HUNK: variants seen among roughly 807,000 people sequenced by gnomAD.
HUNK encodes the protein hormonally up-regulated neu tumor-associated kinase.
A neutral mutation model predicts 61.0 loss-of-function variants in HUNK; 21 were observed. The observed-to-expected ratio is 0.34, with a 90% CI of 0.24 to 0.50. The LOEUF (loss-of-function observed/expected upper bound fraction) is 0.50. HUNK is among the 20% of genes least tolerant of loss of function. HUNK has a pLI of 0.98. For missense variants in HUNK, 772 were observed against 945.7 expected (o/e 0.82, Z 2.41); for synonymous variants, 371 against 386.1 (o/e 0.96, Z 0.46).
chr21:31,917,340 G>A (rs926100279), intron 1 of HUNK, among the ~76,000 whole-genome samples: 1 of 152,074 alleles, frequency 6.6e-6, no homozygotes, highest in African/African-American at 2.4e-5. Context: ...CTACTGGCAC[G>A]AGCCACCACG....
intron 1 of HUNK, among the ~76,000 whole-genome samples, chr21:31,921,141 C>A (rs186980174): frequency 9.2e-6 from 1 of 108,878 alleles, no homozygotes; most frequent in Admixed American, 1.5e-4. Flanking sequence ...GGCCACAGAG[C>A]GAGATTCCAT....
intron 1 of HUNK, among the ~76,000 whole-genome samples, chr21:31,920,274 C>T (rs1291243727): frequency 6.6e-6 from 1 of 152,248 alleles, no homozygotes; most frequent in African/African-American, 2.4e-5. Flanking sequence ...CAGAATTCTT[C>T]ACTTAATAAC....
chr21:31,968,134 C>A, intron 5 of HUNK, 116 bp from the exon 6 acceptor site: 1 of 1,270,732 alleles, frequency 7.9e-7, no homozygotes, highest in Non-Finnish European at 1.1e-6. Context: ...AAGAGATCAC[C>A]CCAGCAGTGA....
chr21:31,944,304 A>G (rs1463179968), intron 3 of HUNK, among the ~76,000 whole-genome samples: 1 of 152,096 alleles, frequency 6.6e-6, no homozygotes, highest in African/African-American at 2.4e-5. Flanking sequence ...GTTTTGAACT[A>G]TTGGCCTCAG....
intron 6 of HUNK, among the ~76,000 whole-genome samples, chr21:31,969,609 C>T (rs1366226841): frequency 6.6e-6 from 1 of 151,710 alleles, no homozygotes; most frequent in Non-Finnish European, 1.5e-5. Flanking sequence ...CTCTGTCACC[C>T]AGGCTAGAGT....
chr21:31,901,240 C>T (rs1453492416), intron 1 of HUNK, among the ~76,000 whole-genome samples: 3 of 152,122 alleles, frequency 2.0e-5, no homozygotes, highest in Non-Finnish European at 4.4e-5. Flanking sequence ...ATAACAGGTT[C>T]TCAGCTTGAG....
chr21:31,897,735 G>A (rs933149629), intron 1 of HUNK, among the ~76,000 whole-genome samples: 3 of 152,210 alleles, frequency 2.0e-5, no homozygotes, highest in African/African-American at 7.2e-5. Flanking sequence ...GAAGCAAAGA[G>A]CAAGAGACAG....
At chr21:31,945,142 T>C (rs2052793495) in intron 3 of HUNK, among the ~76,000 whole-genome samples, 1 of 152,144 alleles carries the variant, frequency 6.6e-6, no homozygotes, top group South Asian at 2.1e-4. Context: ...AATATTTACA[T>C]TGAAGTTCAA....
intron 1 of HUNK, among the ~76,000 whole-genome samples, chr21:31,912,924 T>C (rs1012539996): frequency 6.6e-6 from 1 of 152,228 alleles, no homozygotes; most frequent in Non-Finnish European, 1.5e-5. Flanking sequence ...CTGGTCTGCC[T>C]ACATTGTAAT....
At chr21:31,985,392 C>G (rs112554725) in intron 8 of HUNK, among the ~76,000 whole-genome samples, 1 of 152,154 alleles carries the variant, frequency 6.6e-6, no homozygotes, top group Non-Finnish European at 1.5e-5. Context: ...GTTACTGGGG[C>G]CCACACTGGG....
intron 1 of HUNK, among the ~76,000 whole-genome samples, chr21:31,875,761 A>G (rs1036300527): frequency 1.3e-5 from 2 of 152,210 alleles, no homozygotes; most frequent in Admixed American, 6.5e-5. Context: ...CTCTCTAAAC[A>G]TAACGGAAAG....
In HUNK at chr21:31,968,403, G is replaced by A; in HGVS notation, c.1010+18G>A. On this transcript the variant is annotated intron_variant, in intron 6 of 10. Transcript: ENST00000270112. Reference sequence around the variant, plus strand: ...CCCAACAGGTAATTTCGTGCACCCAGAGGAACTCCTCGGGAGAGACGGGGC... The same window carrying A: ...CCCAACAGGTAATTTCGTGCACCCAAAGGAACTCCTCGGGAGAGACGGGGC... 1 of 1,614,032 alleles carries A rather than the reference G, an allele frequency of 6.2e-7. No homozygotes were observed. The highest frequency in any genetic ancestry group is 8.5e-7 in the Non-Finnish European group (1 of 1,179,964).
chr21:31,928,607 T>G (rs1034132368), intron 2 of HUNK, among the ~76,000 whole-genome samples: 1 of 152,144 alleles, frequency 6.6e-6, no homozygotes, highest in Non-Finnish European at 1.5e-5. Flanking sequence ...TTAGGAAGAT[T>G]TTTTTCACTT....
chr21:31,958,977 C>T lies in HUNK; in HGVS notation c.874+7C>T, dbSNP rs775933798. On this transcript the variant is annotated splice_region_variant and intron_variant, in intron 5 of 10. Transcript: ENST00000270112. ...CCCACTCAGCTCTCCACAGGTAATG[C>T]ACCAGCTGCTCTAGATCACGGTTCA... The T allele has an allele frequency of 1.3e-6, 2 of 1,593,334 alleles. No homozygotes were observed. Among genetic ancestry groups the T allele is most frequent in the African/African-American group, 1.4e-5 (1 of 74,024 alleles).
chr21:31,922,731 A>C (rs2123815120), intron 1 of HUNK, among the ~76,000 whole-genome samples: 1 of 152,340 alleles, frequency 6.6e-6, no homozygotes, highest in African/African-American at 2.4e-5. Flanking sequence ...AACTATGTCC[A>C]CAAAATAATA....
intron 5 of HUNK, 94 bp from the exon 6 acceptor site, chr21:31,968,156 C>T (rs748304341): frequency 2.0e-6 from 3 of 1,473,246 alleles, no homozygotes; most frequent in Admixed American, 1.7e-5. Context: ...TCGGGATGGG[C>T]AGGCAAGGTG....
intron 3 of HUNK, among the ~76,000 whole-genome samples, chr21:31,941,321 T>A (rs1251816809): frequency 6.6e-6 from 1 of 151,900 alleles, no homozygotes; most frequent in Non-Finnish European, 1.5e-5. Context: ...TTTTTTTTTT[T>A]CCTGAGATGG....
intron 4 of HUNK, among the ~76,000 whole-genome samples, chr21:31,958,591 G>C (rs901758033): frequency 2.6e-5 from 4 of 152,254 alleles, no homozygotes; most frequent in South Asian, 2.1e-4. Context: ...TGCTACACAG[G>C]CTGGTCTCGA....
At chr21:31,885,588 G>C (rs2052340252) in intron 1 of HUNK, among the ~76,000 whole-genome samples, 2 of 152,158 alleles carry the variant, frequency 1.3e-5, no homozygotes, top group Non-Finnish European at 2.9e-5. Context: ...TCAAGGTGTT[G>C]GCAGGGTGGG....
Sources: gnomAD v4.1 joint callset for allele counts (sites outside exome capture counted in the v4.1 genomes callset) on GRCh38, gnomAD v4.1.1 for gene constraint, MANE v1.5 for transcripts, NCBI Gene and HGNC (gene_info 2026-07-23, HGNC 2026-07-21) for gene names.